Variants in GNAL observed in about 807,000 individuals in gnomAD.
GNAL encodes G protein subunit alpha L.
A neutral mutation model predicts 55.1 loss-of-function variants in GNAL; 18 were observed. The ratio of observed to expected loss-of-function variants is 0.33; its 90% confidence interval spans 0.23 to 0.48. The LOEUF is 0.48. GNAL is among the 20% of genes least tolerant of loss of function. The pLI, the probability that GNAL is intolerant of heterozygous loss-of-function variation, is 0.99. For missense variants in GNAL, 412 were observed against 614.1 expected, an observed-to-expected ratio of 0.67 and a Z score of 3.48; for synonymous variants, 253 against 237.0, an observed-to-expected ratio of 1.07 and a Z score of -0.62.
chr18:11,752,896 G>A lies in GNAL; in HGVS notation c.420G>A (p.Arg140=). ...SGKSTIVKQM[R]ILHVNGFNPE... ...AAAGCACTATCGTCAAACAGATGAG[G>A]ATCCTGCACGTCAATGGGTTTAATC... Residue 140 remains arginine, a synonymous_variant, in exon 2 of 12, where the codon AGG becomes AGA. Transcript: ENST00000334049. This position sits in a 1 kb window ranked among gnomAD's most constrained non-coding sequence, Gnocchi z 4.5. 6.2e-7 allele frequency: 1 copy of A among 1,608,784 alleles called. No homozygotes were observed. The highest frequency in any genetic ancestry group is 1.3e-5 in the African/African-American group (1 of 74,928).
At chr18:11,710,914 T>C (rs1023433579) in intron 1 of GNAL, among the ~76,000 whole-genome samples, 2 of 152,082 alleles carry the variant, frequency 1.3e-5, no homozygotes, top group Admixed American at 6.6e-5. Flanking sequence ...CTCGCTCTGT[T>C]ATCCAGGCTG....
At chr18:11,838,869 T>G (rs1022506999) in intron 5 of GNAL, among the ~76,000 whole-genome samples, 6 of 152,236 alleles carry the variant, frequency 3.9e-5, no homozygotes, top group Non-Finnish European at 8.8e-5. Flanking sequence ...AAAATATGTC[T>G]TAAAAATCTC....
rs9960657 is a variant in GNAL at position 11,726,519 on chromosome 18, A to G, written c.377-26334A>G. On this transcript the variant is annotated intron_variant, in intron 1 of 11. Coordinates refer to ENST00000334049, the MANE Select transcript of GNAL (RefSeq NM_182978.4). ...CAGGAGAAGCTGTCTCTGAGCTCCCAGGCCTCTGCCCCTCTCTGGGGCACC... is the reference window on the plus strand; with the variant it reads ...CAGGAGAAGCTGTCTCTGAGCTCCCGGGCCTCTGCCCCTCTCTGGGGCACC... Among the ~76,000 whole-genome samples, 1,288 of 152,124 alleles carry G rather than the reference A, an allele frequency of 8.5e-3. 20 individuals carry two copies. Among genetic ancestry groups the G allele is most frequent in the African/African-American group, 0.029 (1,204 of 41,402 alleles).
intron 1 of GNAL, among the ~76,000 whole-genome samples, chr18:11,750,491 C>T (rs971775600): frequency 6.6e-6 from 1 of 151,970 alleles, no homozygotes; most frequent in Non-Finnish European, 1.5e-5. Flanking sequence ...GACGGCTCCT[C>T]GGACCCCTGG....
Position 11,689,782 on chromosome 18 carries a change from G to A in GNAL, c.219G>A (p.Glu73=). ...GGCCCAAAGCAGACAAGCCGAAGGA[G>A]AAGCGGCAGCGCACCGAGCAGCTGA... ...CARPKADKPK[E]KRQRTEQLSA... Residue 73 remains glutamate (E), a synonymous_variant, in exon 1 of 12, where the codon GAG becomes GAA. Transcript: ENST00000334049. 1 of 1,530,866 alleles carries A rather than the reference G, an allele frequency of 6.5e-7. No homozygotes were observed. Among genetic ancestry groups the A allele is most frequent in the Non-Finnish European group, 8.8e-7 (1 of 1,142,140 alleles). The allele number at this position is 1,530,866 out of a possible 1,614,324, so 94.8% of individuals were successfully genotyped here.
chr18:11,793,826 G>A (rs1280819097), intron 4 of GNAL, among the ~76,000 whole-genome samples: 2 of 151,504 alleles, frequency 1.3e-5, no homozygotes, highest in East Asian at 3.9e-4. Flanking sequence ...GGGAGGCTGA[G>A]GCTGGAGCGG....
At chr18:11,767,684 G>T (rs189807052) in intron 4 of GNAL, among the ~76,000 whole-genome samples, 1 of 152,102 alleles carries the variant, frequency 6.6e-6, no homozygotes, top group Admixed American at 6.5e-5. Context: ...GCACAATTGC[G>T]CTCTGTGCAT....
At chr18:11,817,066 T>C (rs1239119434) in intron 4 of GNAL, among the ~76,000 whole-genome samples, 1 of 152,148 alleles carries the variant, frequency 6.6e-6, no homozygotes, top group African/African-American at 2.4e-5. Flanking sequence ...ACCTGGGTGT[T>C]GGTGGTTGCA....
At chr18:11,782,233 C>G (rs1262088222) in intron 4 of GNAL, among the ~76,000 whole-genome samples, 1 of 152,142 alleles carries the variant, frequency 6.6e-6, no homozygotes, top group Non-Finnish European at 1.5e-5. Context: ...AGGAGAATCA[C>G]TTGATCCAGG....
rs947470775 is a variant in GNAL, at chr18:11,884,210, A to G, written c.*3075A>G. 6 of 506,130 alleles carry G rather than the reference A, an allele frequency of 1.2e-5. No homozygotes were observed. The highest frequency in any genetic ancestry group is 2.4e-5 in the South Asian group (1 of 41,556). The allele number at this position is 506,130 out of a possible 1,614,324, so 31.4% of individuals were successfully genotyped here. Reference sequence around the variant, plus strand: ...GTACAGATGCAACCTTTGATGATACATATATTTGATAAAAATGAGAAAACA... The same window carrying G: ...GTACAGATGCAACCTTTGATGATACGTATATTTGATAAAAATGAGAAAACA... On this transcript the variant is annotated 3_prime_UTR_variant, in exon 12 of 12. Coordinates refer to ENST00000334049, the MANE Select transcript of GNAL (RefSeq NM_182978.4).
intron 4 of GNAL, among the ~76,000 whole-genome samples, chr18:11,796,892 A>G (rs2034403876): frequency 6.6e-6 from 1 of 152,180 alleles, no homozygotes; most frequent in Non-Finnish European, 1.5e-5. Flanking sequence ...ATTATAAATA[A>G]TACTGCATAT....
chr18:11,781,780 C>T (rs1433885495), intron 4 of GNAL, among the ~76,000 whole-genome samples: 1 of 152,158 alleles, frequency 6.6e-6, no homozygotes, highest in Non-Finnish European at 1.5e-5. Context: ...CTGTTTAATC[C>T]TCTTTTGAGG....
chr18:11,736,769 G>A (rs1486825590), intron 1 of GNAL, among the ~76,000 whole-genome samples: 2 of 152,232 alleles, frequency 1.3e-5, no homozygotes, highest in African/African-American at 4.8e-5. Context: ...TGGGGAGATT[G>A]CTACAAAGGA....
At chr18:11,829,866 T>C (rs891273495) in intron 5 of GNAL, among the ~76,000 whole-genome samples, 1 of 152,058 alleles carries the variant, frequency 6.6e-6, no homozygotes, top group South Asian at 2.1e-4. Flanking sequence ...AAAAATTTGC[T>C]GGGCATGGTG....
intron 4 of GNAL, among the ~76,000 whole-genome samples, chr18:11,777,389 T>C (rs1176012688): frequency 6.6e-6 from 1 of 152,242 alleles, no homozygotes; most frequent in African/African-American, 2.4e-5. Flanking sequence ...TGCACTCTCT[T>C]TGAAGGCCTC....
At chr18:11,745,845 C>T (rs1218178305) in intron 1 of GNAL, 1 of 170,530 alleles carries the variant, frequency 5.9e-6, no homozygotes, top group Non-Finnish European at 1.3e-5. Flanking sequence ...AAAGATGCAA[C>T]ACCATTTTGA....
chr18:11,885,556 G>C lies in GNAL; in HGVS notation c.*4421G>C, dbSNP rs1713119677. ...CAGTGTATGGAGCTACGTGTAGAAGGAGAGAAATTTGTGTGTGGCTTTTGT... is the reference window on the plus strand; with the variant it reads ...CAGTGTATGGAGCTACGTGTAGAAGCAGAGAAATTTGTGTGTGGCTTTTGT... On this transcript the variant is annotated 3_prime_UTR_variant, in exon 12 of 12. Transcript: ENST00000334049. The C allele has an allele frequency of 6.5e-6, 8 of 1,229,288 alleles. No individual in the cohort carries two copies. Among genetic ancestry groups the C allele is most frequent in the Non-Finnish European group, 9.2e-6 (8 of 870,476 alleles). The allele number at this position is 1,229,288 out of a possible 1,614,324, so 76.1% of individuals were successfully genotyped here.
chr18:11,862,368 C>T (rs745892328), intron 5 of GNAL, 27 bp from the exon 6 acceptor site: 2 of 1,607,874 alleles, frequency 1.2e-6, no homozygotes, highest in African/African-American at 1.3e-5. Context: ...GAGAACAGGC[C>T]TCAACCCTTG....
At chr18:11,746,370 G>A (rs1376528136) in intron 1 of GNAL, 2 of 271,436 alleles carry the variant, frequency 7.4e-6, no homozygotes, top group Non-Finnish European at 1.5e-5. Flanking sequence ...AGCACTTTGG[G>A]AGGCCAAGGT....
Sources: allele counts gnomAD v4.1 joint callset (sites outside exome capture counted in the v4.1 genomes callset), GRCh38; gene constraint gnomAD v4.1.1; non-coding constraint Gnocchi (gnomAD v3.1); transcripts MANE v1.5; gene names NCBI Gene and HGNC (gene_info 2026-07-23, HGNC 2026-07-21).